Variants in TBC1D8B observed in about 807,000 individuals in gnomAD.
The protein encoded by TBC1D8B is RP11-321G1.1.
Under a neutral mutation model 82.9 loss-of-function variants are expected in TBC1D8B, and 75 were observed. The observed-to-expected ratio is 0.90, with a 90% confidence interval of 0.75 to 1.10. The LOEUF (loss-of-function observed/expected upper bound fraction) is 1.10. TBC1D8B is among the 50% of genes least tolerant of loss of function. The pLI is 0.00. For synonymous variants in TBC1D8B, 276 were observed against 276.8 expected, an observed-to-expected ratio of 1.00 and a Z score of 0.03; for missense variants, 794 against 796.9, an observed-to-expected ratio of 1.00 and a Z score of 0.04.
At chrX:106,848,858 C>A (rs1263149765) in intron 11 of TBC1D8B, among the ~76,000 whole-genome samples, 1 of 110,201 alleles carries the variant, frequency 9.1e-6, no homozygotes, top group Non-Finnish European at 1.9e-5. Context: ...CAAGCTCCAC[C>A]TCCTGGGTTC....
At chrX:106,829,927 A>C (rs1403541734) in intron 7 of TBC1D8B, 2 of 111,448 alleles carry the variant, frequency 1.8e-5, no homozygotes, top group African/African-American at 6.6e-5. Context: ...TGGCAACAAA[A>C]GCCAAAATTG....
chrX:106,852,060 A>G (rs1228971908), intron 12 of TBC1D8B, among the ~76,000 whole-genome samples: 1 of 109,024 alleles, frequency 9.2e-6, no homozygotes, highest in Non-Finnish European at 1.9e-5. Flanking sequence ...ATTTCTCCAC[A>G]TCCTCTCCAG....
chrX:106,839,385 T>C lies in TBC1D8B; in HGVS notation c.1281T>C (p.Ser427=). 8.4e-7 allele frequency: 1 copy of C among 1,194,279 alleles called. No individual in the cohort carries two copies. ...CTTTGACAAGTCAGAGGGAATGCAGTAAAACTGTGAACACTGAAGCCTTAA... is the reference window on the plus strand; with the variant it reads ...CTTTGACAAGTCAGAGGGAATGCAGCAAAACTGTGAACACTGAAGCCTTAA... The part of the protein sequence containing the change: ...VQSLTSQREC[S]KTVNTEALMT... The change falls in exon 8 of 21, where the codon AGT becomes AGC. Residue 427 remains serine (S), a synonymous_variant. Coordinates refer to ENST00000357242, the MANE Select transcript of TBC1D8B (RefSeq NM_017752.3).
intron 1 of TBC1D8B, 24 bp downstream of exon 1, chrX:106,803,007 C>T (rs1931076506): frequency 8.5e-7 from 1 of 1,179,427 alleles, no homozygotes; most frequent in South Asian, 1.9e-5. Context: ...ACCCTACCTG[C>T]CTCTGGGCTG....
chrX:106,855,355 T>G (rs1569455040), intron 14 of TBC1D8B, among the ~76,000 whole-genome samples: 2 of 112,617 alleles, frequency 1.8e-5, no homozygotes, highest in Non-Finnish European at 3.8e-5. Flanking sequence ...TACATAAATG[T>G]AAAAAGTAGA....
chrX:106,870,602 A>C, intron 19 of TBC1D8B, 114 bp from the exon 20 acceptor site: 1 of 463,246 alleles, frequency 2.2e-6, no homozygotes, highest in Non-Finnish European at 3.7e-6. Flanking sequence ...CTGGATTAAA[A>C]AAATGGGATC....
chrX:106,839,657 T>C (rs1932257074), intron 8 of TBC1D8B, among the ~76,000 whole-genome samples, 200 bp downstream of exon 8: 1 of 111,552 alleles, frequency 9.0e-6, no homozygotes, highest in East Asian at 2.8e-4. Flanking sequence ...AAGATAAAAG[T>C]TGGACATTGG....
intron 4 of TBC1D8B, 57 bp downstream of exon 4, chrX:106,822,259 C>T: frequency 1.1e-6 from 1 of 892,378 alleles, no homozygotes; most frequent in Non-Finnish European, 1.6e-6. Flanking sequence ...CCTACCAACT[C>T]TAATGATGTT....
chrX:106,830,929 A>G (rs1932027338), intron 7 of TBC1D8B, among the ~76,000 whole-genome samples: 1 of 107,625 alleles, frequency 9.3e-6, no homozygotes, highest in Admixed American at 1.0e-4. Flanking sequence ...CATGTACCCT[A>G]AAACTTAAAG....
chrX:106,816,561 C>A (rs1931545910), intron 1 of TBC1D8B, among the ~76,000 whole-genome samples: 1 of 110,461 alleles, frequency 9.1e-6, no homozygotes, highest in South Asian at 3.8e-4. Context: ...GTCTTTTCCC[C>A]AATACTTTCT....
intron 14 of TBC1D8B, among the ~76,000 whole-genome samples, chrX:106,865,287 C>T (rs1049369174): frequency 1.4e-4 from 16 of 111,870 alleles, no homozygotes; most frequent in Non-Finnish European, 1.9e-4. Context: ...CATTAAGTGG[C>T]TGTTCTTTGG....
chrX:106,826,012 A>G lies in TBC1D8B; in HGVS notation c.828-18A>G, dbSNP rs771459930. ...TAAAAATTCATTTGTGCCTTATCCC[A>G]TTTTTTCTTTCCTACAGAGGTCTGG... On this transcript the variant is annotated intron_variant, in intron 5 of 20. Transcript: ENST00000357242. 2 of 1,199,664 alleles carry G rather than the reference A, an allele frequency of 1.7e-6. No homozygotes were observed. The highest frequency in any genetic ancestry group is 3.5e-5 in the African/African-American group (2 of 57,226).
rs144358556 is a variant in TBC1D8B, at chrX:106,873,685, A to C, written c.3083A>C (p.Glu1028Ala). 12 of 1,211,809 alleles carry C rather than the reference A, an allele frequency of 9.9e-6. No individual in the cohort carries two copies. The highest frequency in any genetic ancestry group is 4.3e-5 in the Admixed American group (2 of 46,045). ...ACCAGCCTTTTACTCAGGATGGAAG[A>C]AGTTGGAAGGAAACTACATAGCCCT... ...VVTSLLLRME[E>A]VGRKLHSPTS... The change falls in exon 21 of 21, where the codon GAA becomes GCA. Residue 1028 changes from glutamate to alanine, a missense_variant. Coordinates refer to ENST00000357242, the MANE Select transcript of TBC1D8B (RefSeq NM_017752.3).
In TBC1D8B at chrX:106,820,864, T is replaced by G. The variant is rs778336477; in HGVS notation, c.242-13T>G. ...TTTCCTTAAGTGTTTTATTTTCTTGTGTTATTAATCAGGAGCCAACAGAGA... is the reference window on the plus strand; with the variant it reads ...TTTCCTTAAGTGTTTTATTTTCTTGGGTTATTAATCAGGAGCCAACAGAGA... On this transcript the variant is annotated splice_polypyrimidine_tract_variant and intron_variant, in intron 2 of 20. Transcript: ENST00000357242. 3 of 1,099,253 alleles carry G rather than the reference T, an allele frequency of 2.7e-6. No homozygotes were observed. The highest frequency in any genetic ancestry group is 2.6e-5 in the Admixed American group (1 of 38,473). The allele number at this position is 1,099,253 out of a possible 1,213,427, so 90.6% of individuals were successfully genotyped here. A position where few individuals can be genotyped will look rare whatever the true frequency, so the allele number is the denominator to read the frequency against.
At chrX:106,873,167 G>A (rs1262739404) in intron 20 of TBC1D8B, among the ~76,000 whole-genome samples, 4 of 111,042 alleles carry the variant, frequency 3.6e-5, no homozygotes, top group Non-Finnish European at 7.6e-5. Flanking sequence ...GCACGATCTC[G>A]GCTCACTGCA....
chrX:106,823,426 AAT>A lies in TBC1D8B; in HGVS notation c.788_789del (p.Asn263ArgfsTer6). On this transcript the variant is annotated frameshift_variant, in exon 5 of 21. Coordinates refer to ENST00000357242, the MANE Select transcript of TBC1D8B (RefSeq NM_017752.3). LOFTEE classifies it high-confidence loss of function. Reference protein sequence around the residue: ...RRLFDKETFDNDPVLYNPLQI... With the variant: ...RRLFDKETFDXDPVLYNPLQI... ...ACTTTTTGATAAGGAAACATTTGATAATGACCCAGTCCTTTATAATCCTCTAC... is the reference window on the plus strand; with the variant it reads ...ACTTTTTGATAAGGAAACATTTGATAGACCCAGTCCTTTATAATCCTCTAC... 8.3e-7 allele frequency: 1 copy of A among 1,210,311 alleles called. No individual in the cohort carries two copies. The highest frequency in any genetic ancestry group is 1.1e-6 in the Non-Finnish European group (1 of 894,445).
chrX:106,810,337 A>G (rs1931328884), intron 1 of TBC1D8B, among the ~76,000 whole-genome samples: 1 of 111,937 alleles, frequency 8.9e-6, no homozygotes, highest in Non-Finnish European at 1.9e-5. Flanking sequence ...GTGATAGTGC[A>G]AAAGCAAAAG....
intron 1 of TBC1D8B, among the ~76,000 whole-genome samples, chrX:106,804,849 A>C (rs1035462260): frequency 2.7e-5 from 3 of 110,021 alleles, no homozygotes; most frequent in African/African-American, 1.0e-4. Flanking sequence ...TAATAGGGCC[A>C]CTGCACTCCA....
chrX:106,812,909 C>T (rs1235389336), intron 1 of TBC1D8B, among the ~76,000 whole-genome samples: 1 of 110,440 alleles, frequency 9.1e-6, no homozygotes, highest in Admixed American at 9.7e-5. Context: ...GGTGCAGCGG[C>T]GCAATCTCAG....
Sources: allele counts gnomAD v4.1 joint callset (sites outside exome capture counted in the v4.1 genomes callset), GRCh38; gene constraint gnomAD v4.1.1; transcripts MANE v1.5; gene names NCBI Gene and HGNC (gene_info 2026-07-23, HGNC 2026-07-21).